Variants in ATP8A2 observed in about 807,000 individuals in gnomAD.
ATP8A2 encodes the protein phospholipid-transporting ATPase IB.
Under a neutral mutation model 165.6 loss-of-function variants are expected in ATP8A2, and 100 were observed. That is an observed-to-expected ratio of 0.60 (90% confidence interval 0.51 to 0.71). The LOEUF is 0.71. Ranked by LOEUF, ATP8A2 falls within the 30% of genes least tolerant of loss-of-function variation. The pLI is 0.00. For synonymous variants in ATP8A2, 543 were observed against 548.8 expected (o/e 0.99, Z 0.15); for missense variants, 1,227 against 1,479.5 (o/e 0.83, Z 2.80).
intron 33 of ATP8A2, chr13:25,880,973 C>G: frequency 2.2e-6 from 1 of 456,194 alleles, no homozygotes; most frequent in African/African-American, 2.0e-5. Flanking sequence ...GTTGAAGCAG[C>G]CAAAGATTGA....
chr13:25,940,864 G>C (rs540916606), intron 33 of ATP8A2, among the ~76,000 whole-genome samples: 1 of 152,318 alleles, frequency 6.6e-6, no homozygotes, highest in East Asian at 1.9e-4. Flanking sequence ...CATCGTGCCT[G>C]AGTGACCTCA....
Position 25,447,842 on chromosome 13 carries a change from G to A in ATP8A2, c.77-21135G>A, listed in dbSNP as rs181413509. On this transcript the variant is annotated intron_variant, in intron 1 of 36. Transcript: ENST00000381655. ...TTTCAGTGGGATGGGGAGCTGGAGA[G>A]GGGATGGAGTGGGAAGATAATTTTC... 7.6e-4 allele frequency among the ~76,000 whole-genome samples: 115 copies of A among 152,314 alleles called. No homozygotes were observed. The Middle Eastern group carries it at 0.027, about 36-fold the overall frequency.
rs638561 is a variant in ATP8A2, at chr13:25,867,979, T to C, written c.3183+5571T>C. 3.0e-3 allele frequency: 855 copies of C among 288,878 alleles called. 3 individuals carry two copies. Among genetic ancestry groups the C allele is most frequent in the African/African-American group, 0.018 (804 of 44,904 alleles). The allele number at this position is 288,878 out of a possible 1,614,324, so 17.9% of individuals were successfully genotyped here. ...AGGACTCCAAAAGTCTCTATGCAAT[T>C]GTTGAGACACTGTATGAAGCCAGCC... On this transcript the variant is annotated intron_variant, in intron 33 of 36. Transcript: ENST00000381655.
At chr13:25,670,498 T>G (rs534102248) in intron 24 of ATP8A2, among the ~76,000 whole-genome samples, 2 of 152,214 alleles carry the variant, frequency 1.3e-5, no homozygotes, top group African/African-American at 4.8e-5. Flanking sequence ...AAATGTTTAC[T>G]AATATTTGCT....
rs767865184 is a variant in ATP8A2 at position 25,551,287 on chromosome 13, T to G, written c.892-51T>G. The G allele has an allele frequency of 3.9e-6, 6 of 1,550,614 alleles. No homozygotes were observed. The South Asian group carries it at 7.1e-5, about 18-fold the overall frequency. On this transcript the variant is annotated intron_variant, in intron 10 of 36. Coordinates refer to ENST00000381655, the MANE Select transcript of ATP8A2 (RefSeq NM_016529.6). The stretch of plus-strand genomic sequence containing the variant: ...TTTTACCTCCTTTCCCCCAACCCCT[T>G]GCCCCAAATCTGTTCTGTGACCCTT...
intron 33 of ATP8A2, among the ~76,000 whole-genome samples, chr13:25,915,355 CAT>C: frequency 6.6e-6 from 1 of 152,270 alleles, no homozygotes; most frequent in Admixed American, 6.5e-5. Context: ...TTGCAGATGT[CAT>C]AGAGGGGACT....
chr13:25,713,038 A>G (rs551839959), intron 25 of ATP8A2, among the ~76,000 whole-genome samples: 42 of 152,276 alleles, frequency 2.8e-4, no homozygotes, highest in African/African-American at 9.9e-4. Context: ...GATTAACTTG[A>G]TTTATCTTGT....
At chr13:25,875,558 A>C (rs1438924801) in intron 33 of ATP8A2, among the ~76,000 whole-genome samples, 1 of 151,892 alleles carries the variant, frequency 6.6e-6, no homozygotes, top group African/African-American at 2.4e-5. Flanking sequence ...AATTACACAC[A>C]GGATCTGCAC....
chr13:25,702,278 T>G (rs1300282852), intron 25 of ATP8A2, among the ~76,000 whole-genome samples: 1 of 152,212 alleles, frequency 6.6e-6, no homozygotes, highest in Non-Finnish European at 1.5e-5. Context: ...ATTGGTGATG[T>G]TGTATAGAAA....
At chr13:25,966,911 G>A (rs1955789433) in intron 34 of ATP8A2, among the ~76,000 whole-genome samples, 1 of 152,182 alleles carries the variant, frequency 6.6e-6, no homozygotes, top group African/African-American at 2.4e-5. Flanking sequence ...AAAGGGGATA[G>A]GGAGAGAGAG....
chr13:26,001,482 G>A (rs1470242565), intron 35 of ATP8A2, among the ~76,000 whole-genome samples: 2 of 152,146 alleles, frequency 1.3e-5, no homozygotes, highest in Non-Finnish European at 2.9e-5. Context: ...ACCAAGTAAT[G>A]TGCAAGAGTT....
intron 16 of ATP8A2, among the ~76,000 whole-genome samples, chr13:25,565,410 T>A (rs2039283407): frequency 1.3e-5 from 2 of 152,254 alleles, no homozygotes; most frequent in African/African-American, 4.8e-5. Context: ...GATTTTTTGG[T>A]TATGGCCATT....
At chr13:25,944,921 A>G (rs550891067) in intron 33 of ATP8A2, among the ~76,000 whole-genome samples, 51 of 152,206 alleles carry the variant, frequency 3.4e-4, no homozygotes, top group Middle Eastern at 3.4e-3. Flanking sequence ...TATTTCCTTT[A>G]TCTGTAAAAT....
At chr13:25,378,742 G>T (rs959243807) in intron 1 of ATP8A2, among the ~76,000 whole-genome samples, 1 of 152,182 alleles carries the variant, frequency 6.6e-6, no homozygotes, top group Admixed American at 6.5e-5. Context: ...GACAGCACTT[G>T]GCTGTCTCCG....
chr13:25,914,299 A>G (rs1954204586), intron 33 of ATP8A2, among the ~76,000 whole-genome samples: 1 of 152,160 alleles, frequency 6.6e-6, no homozygotes, highest in African/African-American at 2.4e-5. Context: ...TTAAATATTA[A>G]TATAAATATC....
At chr13:25,531,271 G>GTT (rs1566229268) in intron 4 of ATP8A2, among the ~76,000 whole-genome samples, 1,569 of 98,834 alleles carry the variant, frequency 0.016, 62 homozygotes, top group African/African-American at 0.054. Context: ...TGATATATAT[G>GTT]ATATATATGT....
At chr13:25,927,478 G>T (rs746660086) in intron 33 of ATP8A2, among the ~76,000 whole-genome samples, 18 of 152,176 alleles carry the variant, frequency 1.2e-4, no homozygotes, top group Non-Finnish European at 2.2e-4. Flanking sequence ...CCATGGCGCT[G>T]CTTTTGGGCC....
intron 36 of ATP8A2, 59 bp from the exon 37 acceptor site, chr13:26,019,829 C>T: frequency 7.9e-7 from 1 of 1,261,228 alleles, no homozygotes; most frequent in Non-Finnish European, 1.2e-6. Context: ...TTATTTTAAA[C>T]CTAGTGTGCT....
chr13:25,706,150 C>T (rs1451319159), intron 25 of ATP8A2, among the ~76,000 whole-genome samples: 1 of 152,170 alleles, frequency 6.6e-6, no homozygotes, highest in Non-Finnish European at 1.5e-5. Context: ...AACATATTCT[C>T]CTCTGTTTAG....
Sources: gnomAD v4.1 joint callset for allele counts (sites outside exome capture counted in the v4.1 genomes callset) on GRCh38, gnomAD v4.1.1 for gene constraint, MANE v1.5 for transcripts, NCBI Gene and HGNC (gene_info 2026-07-23, HGNC 2026-07-21) for gene names.